The following SI variants were observed in gnomAD, a reference collection of about 807,000 sequenced individuals.
SI encodes sucrase-isomaltase, intestinal.
SI carries 235 observed loss-of-function variants against 253.3 expected under a neutral mutation model. The observed-to-expected ratio is 0.93, with a 90% CI of 0.83 to 1.03. The LOEUF (loss-of-function observed/expected upper bound fraction) is 1.03, where lower values mean the gene tolerates loss of function less well. Among genes scored for constraint, SI ranks in the 50% least tolerant of loss-of-function variants. The pLI, the probability that SI is intolerant of heterozygous loss-of-function variation, is 0.00. For synonymous variants in SI, 819 were observed against 712.0 expected (o/e 1.15, Z -2.39); for missense variants, 2,442 against 2,211.1 (o/e 1.10, Z -2.09).
chr3:164,989,388 G>GAAAGAAAGAAA (rs35600989), intron 44 of SI, among the ~76,000 whole-genome samples: 1 of 58,434 alleles, frequency 1.7e-5, no homozygotes, highest in Non-Finnish European at 4.3e-5. Context: ...AAGAAAGAAA[G>GAAAGAAAGAAA]GAAGAAAGAA....
chr3:165,072,666 G>A (rs148497176), intron 3 of SI, among the ~76,000 whole-genome samples: 243 of 152,040 alleles, frequency 1.6e-3, no homozygotes, highest in African/African-American at 5.4e-3. Flanking sequence ...TACTGAGTTC[G>A]TGAAACATGA....
rs769180687 is a variant in SI, at chr3:165,008,297, A to G, written c.4180-299T>C. Among the ~76,000 whole-genome samples the G allele has an allele frequency of 2.6e-5, 4 of 151,936 alleles. No homozygotes were observed. In the South Asian group the frequency reaches 6.2e-4, roughly 24 times the overall value. On this transcript the variant is annotated intron_variant, in intron 35 of 47. Coordinates refer to ENST00000264382, the MANE Select transcript of SI (RefSeq NM_001041.4). ...ATAGCATTATAATAATATGTGCCCT[A>G]TCATCTCCTTCCCCTCCACTCCTGC...
At position 165,052,045 on chromosome 3, in the gene SI, A is replaced by G. The variant is rs570106430; in HGVS notation, c.1513-2170T>C. Among the ~76,000 whole-genome samples, 79 of 152,176 alleles carry G rather than the reference A, an allele frequency of 5.2e-4. 1 individual carries two copies. Among genetic ancestry groups the G allele is most frequent in the Admixed American group, 1.2e-3 (18 of 15,276 alleles). On this transcript the variant is annotated intron_variant, in intron 13 of 47. Coordinates refer to ENST00000264382, the MANE Select transcript of SI (RefSeq NM_001041.4). ...CATAATTTTAACCATATTTTACATA[A>G]TACATGACATTTAATATTTTAGTAA... is the stretch of plus-strand genomic sequence containing the variant.
intron 37 of SI, among the ~76,000 whole-genome samples, chr3:165,003,391 A>G (rs995392479): frequency 2.8e-4 from 42 of 152,080 alleles, no homozygotes; most frequent in African/African-American, 8.9e-4. Flanking sequence ...ATGCCCCAAT[A>G]TTGTGTTCCA....
At chr3:165,089,220 C>T in the SI span, among the ~76,000 whole-genome samples, 4 of 151,470 alleles carry the variant, frequency 2.6e-5, no homozygotes, top group East Asian at 5.8e-4. Context: ...AGAATTCAGA[C>T]GGAAGTGATA....
chr3:164,989,740 A>G (rs1173196389), intron 44 of SI, among the ~76,000 whole-genome samples: 1 of 152,206 alleles, frequency 6.6e-6, no homozygotes, highest in Non-Finnish European at 1.5e-5. Flanking sequence ...CAAATGGAAT[A>G]TTATTCAGTG....
intron 2 of SI, among the ~76,000 whole-genome samples, 176 bp from the exon 3 acceptor site, chr3:165,074,843 A>G (rs9865161): frequency 0.58 from 87,579 of 151,816 alleles, 25,714 homozygotes; most frequent in East Asian, 0.81. Flanking sequence ...TCAAAAGGAA[A>G]AGATCCAATC....
At chr3:165,074,184 T>C (rs960766464) in intron 3 of SI, among the ~76,000 whole-genome samples, 4 of 152,122 alleles carry the variant, frequency 2.6e-5, no homozygotes, top group Non-Finnish European at 5.9e-5. Flanking sequence ...AATACTCTAC[T>C]GGAACATATA....
At chr3:165,086,470 AG>A in the SI span, among the ~76,000 whole-genome samples, 1 of 152,176 alleles carries the variant, frequency 6.6e-6, no homozygotes, top group African/African-American at 2.4e-5. Flanking sequence ...TCACAAATAC[AG>A]AATTGTTAGG....
chr3:165,031,267 C>CT, intron 24 of SI, among the ~76,000 whole-genome samples: 1 of 149,130 alleles, frequency 6.7e-6, no homozygotes. Context: ...AATTGCAAAA[C>CT]TTTAAGGAAT....
intron 16 of SI, among the ~76,000 whole-genome samples, 157 bp from the exon 17 acceptor site, chr3:165,043,332 CTCT>C (rs1378625866): frequency 5.5e-4 from 84 of 151,960 alleles, no homozygotes; most frequent in Non-Finnish European, 1.0e-3. Context: ...TCCATTTTTG[CTCT>C]ATCCTTGTCT....
Position 165,074,354 on chromosome 3 carries a change from G to A in SI, c.255+177C>T, listed in dbSNP as rs879651164. 9.6e-5 allele frequency: 34 copies of A among 353,762 alleles called. 1 individual carries two copies. Among genetic ancestry groups the A allele is most frequent in the South Asian group, 7.4e-4 (8 of 10,746 alleles). The allele number at this position is 353,762 out of a possible 1,614,324, so 21.9% of individuals were successfully genotyped here. A position where few individuals can be genotyped will look rare whatever the true frequency, so the allele number is the denominator to read the frequency against. On this transcript the variant is annotated intron_variant, in intron 3 of 47. Transcript: ENST00000264382. ...TTAAATTGAGCAGAGATAAAGGAAA[G>A]CAAGGTCAGTAACTTCTATTATCTA...
chr3:165,015,950 A>G lies in SI; in HGVS notation c.3888+2T>C. On this transcript the variant is annotated splice_donor_variant, in intron 32 of 47. Coordinates refer to ENST00000264382, the MANE Select transcript of SI (RefSeq NM_001041.4). LOFTEE classifies it high-confidence loss of function. ...AGACTCAGGTAAACTCCAAGTACTG[A>G]CCAGGATAATAATGTATCTCATTCC... 1 of 1,609,568 alleles carries G rather than the reference A, an allele frequency of 6.2e-7. No homozygotes were observed. The highest frequency in any genetic ancestry group is 8.5e-7 in the Non-Finnish European group (1 of 1,176,062).
At position 164,987,205 on chromosome 3, in the gene SI, G is replaced by A; in HGVS notation, c.5130C>T (p.Leu1710=). 3.1e-6 allele frequency: 5 copies of A among 1,613,536 alleles called. No individual in the cohort carries two copies. The highest frequency in any genetic ancestry group is 4.2e-6 in the Non-Finnish European group (5 of 1,179,680). ...TFYSRQKHMK[L]IVAADDNQMA... ...TCTGATTATCATCTGCAGCAACAAT[G>A]AGCTTCATGTGTTTTTGTCGACTAT... The change falls in exon 45 of 48, where the codon CTC becomes CTT. Residue 1710 remains leucine, a synonymous_variant. Transcript: ENST00000264382.
chr3:165,065,968 A>C (rs1169611520), intron 6 of SI, among the ~76,000 whole-genome samples: 1 of 151,872 alleles, frequency 6.6e-6, no homozygotes, highest in East Asian at 1.9e-4. Context: ...TTTTATTTTT[A>C]TTGACAATTA....
chr3:165,051,463 T>C (rs1411265350), intron 13 of SI, among the ~76,000 whole-genome samples: 2 of 152,102 alleles, frequency 1.3e-5, no homozygotes, highest in African/African-American at 4.8e-5. Context: ...TGGAATGTTA[T>C]ATTCAATTTT....
At chr3:165,084,892 A>T in the SI span, among the ~76,000 whole-genome samples, 2 of 152,126 alleles carry the variant, frequency 1.3e-5, no homozygotes, top group Non-Finnish European at 2.9e-5. Context: ...ATAAATAAAA[A>T]TAAAGTGAGG....
intron 41 of SI, among the ~76,000 whole-genome samples, chr3:164,993,909 A>G (rs1343545292): frequency 6.6e-6 from 1 of 151,674 alleles, no homozygotes; most frequent in African/African-American, 2.4e-5. Flanking sequence ...AACCGTGATT[A>G]ATTAAATCAT....
intron 12 of SI, among the ~76,000 whole-genome samples, chr3:165,058,061 T>TTAA (rs551703047): frequency 3.3e-5 from 5 of 151,328 alleles, no homozygotes; most frequent in African/African-American, 4.8e-5. Context: ...TATTTTTTTT[T>TTAA]AAAAAATTGA....
Sources: allele counts gnomAD v4.1 joint callset (sites outside exome capture counted in the v4.1 genomes callset), GRCh38; gene constraint gnomAD v4.1.1; transcripts MANE v1.5; gene names NCBI Gene and HGNC (gene_info 2026-07-23, HGNC 2026-07-21).